BICC1: variants seen among roughly 807,000 people sequenced by gnomAD.
BICC1 encodes BicC family RNA binding protein 1.
A neutral mutation model predicts 111.0 loss-of-function variants in BICC1; 43 were observed. The ratio of observed to expected loss-of-function variants is 0.39; its 90% CI spans 0.30 to 0.50. The LOEUF (loss-of-function observed/expected upper bound fraction) is 0.50. Among genes scored for constraint, BICC1 ranks in the 20% least tolerant of loss-of-function variants. The pLI is 0.88. For missense variants in BICC1, 1,091 were observed against 1,203.2 expected (o/e 0.91, Z 1.38); for synonymous variants, 467 against 434.4 (o/e 1.07, Z -0.93).
In BICC1 at chr10:58,828,373, G is replaced by A. The variant is rs149091005; in HGVS notation, c.2795-388G>A. On this transcript the variant is annotated intron_variant, in intron 20 of 20. Coordinates refer to ENST00000373886, the MANE Select transcript of BICC1 (RefSeq NM_001080512.3). ...TGCCATCAGTCATACGTCCTTTCAC[G>A]AGCTTAGCTTGTTCTCCTTGCCTCT... 2.0e-4 allele frequency among the ~76,000 whole-genome samples: 30 copies of A among 152,260 alleles called. No homozygotes were observed. In the East Asian group the frequency reaches 4.6e-3, roughly 24 times the overall value.
At chr10:58,678,159 T>C (rs1465434563) in intron 2 of BICC1, among the ~76,000 whole-genome samples, 1 of 152,008 alleles carries the variant, frequency 6.6e-6, no homozygotes, top group Non-Finnish European at 1.5e-5. Context: ...ACGGGCAAAA[T>C]AGCGTCATAA....
At chr10:58,572,815 A>G (rs931428770) in intron 1 of BICC1, among the ~76,000 whole-genome samples, 4 of 152,186 alleles carry the variant, frequency 2.6e-5, no homozygotes, top group African/African-American at 9.6e-5. Context: ...GGTAAACAAT[A>G]CTACGCCTTT....
At chr10:58,809,405 A>T (rs983141440) in intron 17 of BICC1, among the ~76,000 whole-genome samples, 1 of 151,806 alleles carries the variant, frequency 6.6e-6, no homozygotes, top group South Asian at 2.1e-4. Context: ...GAGACTGGCT[A>T]GTCTTTGTAT....
At chr10:58,706,844 C>T (rs917452998) in intron 3 of BICC1, among the ~76,000 whole-genome samples, 1 of 152,208 alleles carries the variant, frequency 6.6e-6, no homozygotes, top group South Asian at 2.1e-4. Flanking sequence ...TTATAAATTA[C>T]CCAATCTCAG....
At chr10:58,813,717 G>A (rs560589212) in intron 17 of BICC1, 113 bp from the exon 18 acceptor site, 8 of 1,083,920 alleles carry the variant, frequency 7.4e-6, no homozygotes, top group African/African-American at 4.7e-5. Context: ...GAGTAACTGC[G>A]GTGGTTGGCA....
chr10:58,601,140 T>TTATATATATATATATA lies in BICC1; in HGVS notation c.191-19699_191-19684dup, dbSNP rs71033690. ...ACTTTTTAGGCAGTCATTTTAAAAC[T>TTATATATATATATATA]TATATATATATATATATATATATAT... is the stretch of plus-strand genomic sequence containing the variant. On this transcript the variant is annotated intron_variant, in intron 1 of 20. Transcript: ENST00000373886. 7.4e-3 allele frequency among the ~76,000 whole-genome samples: 746 copies of TTATATATATATATATA among 100,430 alleles called. 13 individuals are homozygous for TTATATATATATATATA. The highest frequency in any genetic ancestry group is 8.8e-3 in the Non-Finnish European group (443 of 50,376). 65.9% of individuals were successfully genotyped at this position (100,430 alleles called of 152,430 possible). A position where few individuals can be genotyped will look rare whatever the true frequency, so the allele number is the denominator to read the frequency against.
At chr10:58,827,846 C>CA (rs1210614136) in intron 20 of BICC1, among the ~76,000 whole-genome samples, 1 of 152,148 alleles carries the variant, frequency 6.6e-6, no homozygotes, top group Non-Finnish European at 1.5e-5. Flanking sequence ...CCACCACTAC[C>CA]TATTGAGCCT....
rs529504174 is a variant in BICC1 at position 58,789,806 on chromosome 10, T to G, written c.920T>G (p.Ile307Ser). The stretch of plus-strand genomic sequence containing the variant: ...ATGATGGGTCGAAATGGGAGCAACA[T>G]CAAACATATCATGCAGAGAACAGGT... ...LFMMGRNGSNIKHIMQRTGAQ... is the reference protein window; with the variant it reads ...LFMMGRNGSNSKHIMQRTGAQ... Residue 307 changes from isoleucine (I) to serine (S), a missense_variant, in exon 8 of 21, where the codon ATC becomes AGC. Ile to Ser is a moderately radical substitution (Grantham distance 142). Coordinates refer to ENST00000373886, the MANE Select transcript of BICC1 (RefSeq NM_001080512.3). 2.1e-5 allele frequency: 34 copies of G among 1,613,948 alleles called. No homozygotes were observed. The highest frequency in any genetic ancestry group is 2.8e-5 in the Non-Finnish European group (33 of 1,180,026).
At chr10:58,794,820 T>C (rs1241048827) in intron 9 of BICC1, among the ~76,000 whole-genome samples, 1 of 152,214 alleles carries the variant, frequency 6.6e-6, no homozygotes, top group African/African-American at 2.4e-5. Context: ...TGAAGAGCGA[T>C]TTCTGATCAT....
chr10:58,715,482 T>G, intron 3 of BICC1: 1 of 852,534 alleles, frequency 1.2e-6, no homozygotes, highest in East Asian at 2.5e-5. Context: ...AGAGGACCTG[T>G]GGCAGGCCCT....
chr10:58,689,660 A>G (rs564185122), intron 2 of BICC1, among the ~76,000 whole-genome samples: 1 of 152,330 alleles, frequency 6.6e-6, no homozygotes, highest in South Asian at 2.1e-4. Context: ...GAAAGTTTGT[A>G]GTAGTACAGA....
chr10:58,784,842 C>A (rs865965576), intron 3 of BICC1, among the ~76,000 whole-genome samples, 159 bp from the exon 4 acceptor site: 4 of 152,056 alleles, frequency 2.6e-5, no homozygotes, highest in Admixed American at 6.5e-5. Context: ...GTTGTTGTTA[C>A]AATAACACAC....
At position 58,620,870 on chromosome 10, in the gene BICC1, A is replaced by C. The variant is rs989529144; in HGVS notation, c.206A>C (p.Lys69Thr). The C allele has an allele frequency of 6.2e-7, 1 of 1,613,456 alleles. No individual in the cohort carries two copies. ...TTATTTACAGCTGCTGCTGAAGGGAAAGGCAGAAGTGGGGAAGACTTTTTT... is the reference window on the plus strand; with the variant it reads ...TTATTTACAGCTGCTGCTGAAGGGACAGGCAGAAGTGGGGAAGACTTTTTT... ...EAMLQAAAEG[K>T]GRSGEDFFQK... Residue 69 changes from lysine to threonine, a missense_variant, in exon 2 of 21, where the codon AAA (lysine) becomes ACA (threonine). By Grantham distance (78) the Lys-to-Thr change is moderately conservative (BLOSUM62 -1). Coordinates refer to ENST00000373886, the MANE Select transcript of BICC1 (RefSeq NM_001080512.3).
chr10:58,635,093 G>A (rs1837915737), intron 2 of BICC1, among the ~76,000 whole-genome samples: 1 of 152,114 alleles, frequency 6.6e-6, no homozygotes, highest in Non-Finnish European at 1.5e-5. Flanking sequence ...TGTATTTTGT[G>A]TATGTGTGTC....
chr10:58,579,379 G>A (rs548714547), intron 1 of BICC1, among the ~76,000 whole-genome samples: 16 of 152,292 alleles, frequency 1.1e-4, no homozygotes, highest in East Asian at 3.9e-4. Flanking sequence ...TGGTGCTGAC[G>A]TGTCACACCC....
chr10:58,574,075 ATACTCATGAAG>A (rs1457830698), intron 1 of BICC1, among the ~76,000 whole-genome samples: 2 of 152,118 alleles, frequency 1.3e-5, no homozygotes, highest in Non-Finnish European at 2.9e-5. Flanking sequence ...AGGCTTTCAC[ATACTCATGAAG>A]TACCTCTGGG....
intron 3 of BICC1, among the ~76,000 whole-genome samples, chr10:58,745,112 A>G (rs2132620671): frequency 6.6e-6 from 1 of 152,258 alleles, no homozygotes; most frequent in African/African-American, 2.4e-5. Flanking sequence ...TGATGACTCT[A>G]ATCTTCTAAA....
intron 2 of BICC1, among the ~76,000 whole-genome samples, chr10:58,653,159 C>T (rs1261541995): frequency 6.6e-6 from 1 of 152,070 alleles, no homozygotes; most frequent in Non-Finnish European, 1.5e-5. Flanking sequence ...GTATATTTAG[C>T]TAGGTTGAAT....
intron 1 of BICC1, among the ~76,000 whole-genome samples, chr10:58,546,916 A>G (rs1426388604): frequency 6.6e-6 from 1 of 152,174 alleles, no homozygotes; most frequent in Admixed American, 6.6e-5. Flanking sequence ...TCAGACTTTC[A>G]GATGTGCTTA....
Sources: allele counts gnomAD v4.1 joint callset (sites outside exome capture counted in the v4.1 genomes callset), GRCh38; gene constraint gnomAD v4.1.1; transcripts MANE v1.5; gene names NCBI Gene and HGNC (gene_info 2026-07-23, HGNC 2026-07-21).